LRRC4C: variants seen among roughly 807,000 people sequenced by gnomAD.
The protein encoded by LRRC4C is leucine-rich repeat-containing protein 4C.
A neutral mutation model predicts 33.6 loss-of-function variants in LRRC4C; 5 were observed. The observed-to-expected ratio is 0.15, with a 90% CI of 0.08 to 0.31. LRRC4C has a LOEUF of 0.31. Among genes scored for constraint, LRRC4C ranks in the 10% least tolerant of loss-of-function variants. LRRC4C has a pLI of 1.00. For synonymous variants in LRRC4C, 329 were observed against 302.0 expected (o/e 1.09, Z -0.93); for missense variants, 560 against 796.7 (o/e 0.70, Z 3.58).
Position 40,306,969 on chromosome 11 carries a change from T to C in LRRC4C, c.-176+12659A>G, listed in dbSNP as rs1053391947. On this transcript the variant is annotated intron_variant, in intron 4 of 6. Transcript: ENST00000528697. Reference sequence around the variant, plus strand: ...TTTTTTTTTTCTCTCTGTGGCACAATTGGTATTTCAAGTTAGATATCTATG... The same window carrying C: ...TTTTTTTTTTCTCTCTGTGGCACAACTGGTATTTCAAGTTAGATATCTATG... Among the ~76,000 whole-genome samples the C allele has an allele frequency of 1.4e-4, 21 of 148,988 alleles. 1 individual carries two copies. The Admixed American group carries it at 1.4e-3, about 10-fold the overall frequency.
At chr11:40,564,339 T>G (rs1260727888) in intron 3 of LRRC4C, among the ~76,000 whole-genome samples, 1 of 152,200 alleles carries the variant, frequency 6.6e-6, no homozygotes, top group East Asian at 1.9e-4. Context: ...AATGCTGGAA[T>G]GGACATATTA....
chr11:40,666,106 G>A (rs557289285), intron 2 of LRRC4C, among the ~76,000 whole-genome samples: 1 of 152,032 alleles, frequency 6.6e-6, no homozygotes, highest in Admixed American at 6.6e-5. Flanking sequence ...ATAGATAAAT[G>A]TTCTACGGTA....
intron 3 of LRRC4C, among the ~76,000 whole-genome samples, chr11:40,364,391 A>C (rs2137198670): frequency 6.6e-6 from 1 of 152,268 alleles, no homozygotes; most frequent in East Asian, 1.9e-4. Flanking sequence ...AGAAGATAAA[A>C]AAATGACCCA....
intron 3 of LRRC4C, among the ~76,000 whole-genome samples, chr11:40,448,580 T>C (rs1437907914): frequency 6.6e-6 from 1 of 152,302 alleles, no homozygotes; most frequent in South Asian, 2.1e-4. Flanking sequence ...GGACATGAAC[T>C]CATCCTTTTT....
At position 40,115,047 on chromosome 11, in the gene LRRC4C, C is replaced by A. The variant is rs1300109403; in HGVS notation, c.1246G>T (p.Val416Leu). ...TACATGCCTGTATCTTGCACAGTTA[C>A]ATTTGTGAAATTTAACGTACCATCA... is the stretch of plus-strand genomic sequence containing the variant. ...LSDGTLNFTN[V>L]TVQDTGMYTC... The change falls in exon 7 of 7, where the codon GTA becomes TTA. Residue 416 changes from valine to leucine, a missense_variant. Physicochemically the swap from Val to Leu is conservative, Grantham distance 32 (BLOSUM62 1). Coordinates refer to ENST00000528697, the MANE Select transcript of LRRC4C (RefSeq NM_001258419.2). The surrounding 1 kb of genome is among the most constrained non-coding windows in gnomAD (Gnocchi z 6.7). 1 of 1,614,234 alleles carries A rather than the reference C, an allele frequency of 6.2e-7. No homozygotes were observed.
intron 2 of LRRC4C, among the ~76,000 whole-genome samples, chr11:40,834,816 C>T (rs1313000942): frequency 2.6e-5 from 4 of 151,662 alleles, no homozygotes; most frequent in Non-Finnish European, 4.4e-5. Flanking sequence ...AGCCACATCT[C>T]GGGTATTGTG....
chr11:41,203,355 GC>G (rs1946475712), intron 1 of LRRC4C, among the ~76,000 whole-genome samples: 2 of 152,148 alleles, frequency 1.3e-5, no homozygotes, highest in South Asian at 4.1e-4. Context: ...GAAGGCAGTT[GC>G]TTTGGTAACA....
intron 5 of LRRC4C, among the ~76,000 whole-genome samples, chr11:40,241,306 C>T (rs893564569): frequency 1.3e-5 from 2 of 152,076 alleles, no homozygotes; most frequent in African/African-American, 4.8e-5. Flanking sequence ...TGCTTGAACC[C>T]AGGAGCTGGA....
rs542745082 is a variant in LRRC4C, at chr11:40,817,208, C to T, written c.-407+116427G>A. Among the ~76,000 whole-genome samples, 12 of 152,232 alleles carry T rather than the reference C, an allele frequency of 7.9e-5. No individual in the cohort carries two copies. In the South Asian group the frequency reaches 8.3e-4, roughly 11 times the overall value. ...GCAAACTGACATAATATTTATCTAA[C>T]TGAAAAGAAATACAGGTGACAGCTA... On this transcript the variant is annotated intron_variant, in intron 2 of 6. Transcript: ENST00000528697.
At chr11:41,326,862 G>C (rs901903580) in intron 1 of LRRC4C, among the ~76,000 whole-genome samples, 2 of 152,132 alleles carry the variant, frequency 1.3e-5, no homozygotes, top group African/African-American at 2.4e-5. Context: ...TATAACTCCC[G>C]ATACTCTATC....
At chr11:40,546,103 TTCCTTCCTTC>T (rs1343949290) in intron 3 of LRRC4C, among the ~76,000 whole-genome samples, 1 of 150,556 alleles carries the variant, frequency 6.6e-6, no homozygotes, top group Non-Finnish European at 1.5e-5. Context: ...CCTTCCTTCC[TTCCTTCCTTC>T]CTTCCTTCCT....
chr11:40,666,984 T>A (rs747176221), intron 2 of LRRC4C, among the ~76,000 whole-genome samples: 16 of 152,206 alleles, frequency 1.1e-4, no homozygotes, highest in Non-Finnish European at 2.2e-4. Flanking sequence ...CAATGGTTTT[T>A]GTCAAGTACT....
At chr11:41,363,586 T>A (rs554025353) in intron 1 of LRRC4C, among the ~76,000 whole-genome samples, 1 of 152,298 alleles carries the variant, frequency 6.6e-6, no homozygotes, top group South Asian at 2.1e-4. Context: ...TATAGGAATT[T>A]CTCTATCAGC....
intron 3 of LRRC4C, among the ~76,000 whole-genome samples, chr11:40,391,914 G>T (rs905426454): frequency 1.3e-5 from 2 of 152,272 alleles, no homozygotes; most frequent in Non-Finnish European, 2.9e-5. Flanking sequence ...CACCAGGCGG[G>T]TGGATAAACA....
At chr11:41,148,013 G>A (rs1046272183) in intron 1 of LRRC4C, among the ~76,000 whole-genome samples, 2 of 151,962 alleles carry the variant, frequency 1.3e-5, no homozygotes, top group Non-Finnish European at 2.9e-5. Flanking sequence ...GCTAAAGCAT[G>A]AGAATATTTT....
At chr11:40,581,858 G>T (rs1022486142) in intron 3 of LRRC4C, among the ~76,000 whole-genome samples, 1 of 152,136 alleles carries the variant, frequency 6.6e-6, no homozygotes, top group East Asian at 1.9e-4. Context: ...AGCCGAGATC[G>T]TGCCACTGCA....
At chr11:40,923,703 T>A (rs1957288527) in intron 2 of LRRC4C, among the ~76,000 whole-genome samples, 1 of 152,132 alleles carries the variant, frequency 6.6e-6, no homozygotes, top group Non-Finnish European at 1.5e-5. Flanking sequence ...CTCCTAAAAA[T>A]GATATCTAAA....
At chr11:40,762,929 CA>C (rs1160948005) in intron 2 of LRRC4C, among the ~76,000 whole-genome samples, 1 of 151,544 alleles carries the variant, frequency 6.6e-6, no homozygotes, top group African/African-American at 2.4e-5. Flanking sequence ...ATTTAAATTT[CA>C]GGTAAGCATT....
chr11:41,037,292 T>TTC (rs1195504733), intron 1 of LRRC4C, among the ~76,000 whole-genome samples: 1 of 151,864 alleles, frequency 6.6e-6, no homozygotes, highest in Non-Finnish European at 1.5e-5. Flanking sequence ...GTTTTTTTTT[T>TTC]TCTGATAATG....
Sources: gnomAD v4.1 joint callset for allele counts (sites outside exome capture counted in the v4.1 genomes callset) on GRCh38, gnomAD v4.1.1 for gene constraint, Gnocchi (gnomAD v3.1) non-coding constraint, MANE v1.5 for transcripts, NCBI Gene and HGNC (gene_info 2026-07-23, HGNC 2026-07-21) for gene names.